FAIM2: variants seen among roughly 807,000 people sequenced by gnomAD.
FAIM2 encodes the protein protein lifeguard 2.
In FAIM2, 27 loss-of-function variants were observed where a neutral mutation model predicts 47.4. The ratio of observed to expected loss-of-function variants is 0.57; its 90% CI spans 0.42 to 0.78. The LOEUF (loss-of-function observed/expected upper bound fraction) is 0.78. FAIM2 is among the 30% of genes least tolerant of loss of function. FAIM2 has a pLI of 0.00. For missense variants in FAIM2, 311 were observed against 389.4 expected, an observed-to-expected ratio of 0.80 and a Z score of 1.69; for synonymous variants, 156 against 159.3, an observed-to-expected ratio of 0.98 and a Z score of 0.16.
At chr12:49,903,051 C>G (rs1946991987) in intron 1 of FAIM2, 1 of 152,142 alleles carries the variant, frequency 6.6e-6, no homozygotes, top group East Asian at 1.9e-4. Context: ...GGCCCGAGTA[C>G]CCTCCCCCTT....
intron 11 of FAIM2, among the ~76,000 whole-genome samples, chr12:49,880,300 ATG>A (rs1479508551): frequency 2.1e-5 from 3 of 140,008 alleles, no homozygotes; most frequent in Admixed American, 2.1e-4. Flanking sequence ...GTATCTGTGT[ATG>A]TGCATGTGTG....
chr12:49,889,363 C>A, intron 9 of FAIM2, 118 bp downstream of exon 9: 1 of 1,058,924 alleles, frequency 9.4e-7, no homozygotes, highest in East Asian at 2.5e-5. Context: ...CCAAACCCAA[C>A]TCACCCCCTT....
In FAIM2 at chr12:49,867,922, T is replaced by G. The variant is rs1035742406; in HGVS notation, c.*2582A>C. 1.3e-5 allele frequency: 2 copies of G among 152,590 alleles called. No individual in the cohort carries two copies. The highest frequency in any genetic ancestry group is 4.8e-5 in the African/African-American group (2 of 41,406). The allele number at this position is 152,590 out of a possible 1,614,324, so 9.5% of individuals were successfully genotyped here. A position where few individuals can be genotyped will look rare whatever the true frequency, so the allele number is the denominator to read the frequency against. ...CCCCTCAGGACCCAGAGTAGGAGGC[T>G]GCGGCATCTTCTGCCCGGCTTCCCC... On this transcript the variant is annotated 3_prime_UTR_variant, in exon 12 of 12. Transcript: ENST00000320634.
rs753892415 is a variant in FAIM2, at chr12:49,890,072, A to G, written c.563+45T>C. The G allele has an allele frequency of 8.8e-5, 141 of 1,595,024 alleles. 3 individuals carry two copies. The Admixed American group carries it at 2.2e-3, about 25-fold the overall frequency. On this transcript the variant is annotated intron_variant, in intron 8 of 11. Transcript: ENST00000320634. ...TCGGGTGTGGCTGGTGCCTGGCTCC[A>G]AGCCTGGCCTATGGTCCTTCTCTCC...
At chr12:49,902,884 T>G (rs1220086928) in intron 1 of FAIM2, 1 of 152,016 alleles carries the variant, frequency 6.6e-6, no homozygotes, top group African/African-American at 2.4e-5. Context: ...GTGACATCAT[T>G]TGAGGCCCAA....
At chr12:49,880,143 TGA>T (rs1454613716) in intron 11 of FAIM2, among the ~76,000 whole-genome samples, 1,639 of 151,086 alleles carry the variant, frequency 0.011, 3 homozygotes, top group Non-Finnish European at 0.017. Context: ...TGTGTATATG[TGA>T]GTGTATGTGT....
At chr12:49,893,102 C>G (rs1364174778) in intron 5 of FAIM2, among the ~76,000 whole-genome samples, 2 of 152,218 alleles carry the variant, frequency 1.3e-5, no homozygotes, top group Non-Finnish European at 2.9e-5. Flanking sequence ...TGGACTGTTG[C>G]AGGAGCCCAC....
intron 10 of FAIM2, among the ~76,000 whole-genome samples, chr12:49,888,145 C>A (rs536830084): frequency 6.6e-6 from 1 of 152,308 alleles, no homozygotes; most frequent in East Asian, 1.9e-4. Context: ...ATAAAGGGTT[C>A]TTTGAAGTTC....
chr12:49,876,939 G>A (rs1361384921), intron 11 of FAIM2, among the ~76,000 whole-genome samples: 1 of 152,150 alleles, frequency 6.6e-6, no homozygotes, highest in Non-Finnish European at 1.5e-5. Context: ...GAGCAGTCAG[G>A]TCATTTTGCA....
At chr12:49,891,189 A>T in intron 5 of FAIM2, 75 bp from the exon 6 acceptor site, 1 of 1,361,258 alleles carries the variant, frequency 7.3e-7, no homozygotes, top group Non-Finnish European at 1.0e-6. Flanking sequence ...TGCTTATGCC[A>T]CTCTCTGCCA....
intron 11 of FAIM2, among the ~76,000 whole-genome samples, chr12:49,882,160 G>C (rs1017020103): frequency 4.6e-5 from 7 of 152,336 alleles, no homozygotes; most frequent in Non-Finnish European, 4.4e-5. Flanking sequence ...GCTGTGTCCA[G>C]CTCTGCTCAG....
chr12:49,903,532 T>A (rs538823067), intron 1 of FAIM2, among the ~76,000 whole-genome samples: 1 of 152,178 alleles, frequency 6.6e-6, no homozygotes, highest in Non-Finnish European at 1.5e-5. Context: ...AGCCTTGTAA[T>A]GCTGTAATGC....
chr12:49,898,130 C>T (rs1255686428), intron 2 of FAIM2, 40 bp from the exon 3 acceptor site: 3 of 1,488,778 alleles, frequency 2.0e-6, no homozygotes, highest in Non-Finnish European at 2.8e-6. Flanking sequence ...AGGGTTCCCC[C>T]TACATAGAAT....
intron 2 of FAIM2, among the ~76,000 whole-genome samples, chr12:49,900,756 G>C (rs936979582): frequency 2.0e-5 from 3 of 152,156 alleles, no homozygotes; most frequent in Non-Finnish European, 4.4e-5. Flanking sequence ...CCCAGTGAAG[G>C]CTGTGGCCAG....
chr12:49,899,448 CCG>C (rs1247073916), intron 2 of FAIM2, among the ~76,000 whole-genome samples: 1 of 152,216 alleles, frequency 6.6e-6, no homozygotes, highest in Non-Finnish European at 1.5e-5. Context: ...AAGAAAGCCT[CCG>C]CGGCCTCCCT....
At chr12:49,871,124 G>A (rs569961176) in intron 11 of FAIM2, among the ~76,000 whole-genome samples, 87 of 152,326 alleles carry the variant, frequency 5.7e-4, no homozygotes, top group African/African-American at 2.1e-3. Flanking sequence ...TACAAGCAGG[G>A]CCCGGGCACT....
chr12:49,893,771 CT>C (rs928145547), intron 5 of FAIM2, among the ~76,000 whole-genome samples: 61 of 152,312 alleles, frequency 4.0e-4, no homozygotes, highest in African/African-American at 1.4e-3. Flanking sequence ...GAACATCCTG[CT>C]CCGTGAGGGA....
intron 11 of FAIM2, among the ~76,000 whole-genome samples, chr12:49,876,889 C>G (rs1191808128): frequency 6.6e-6 from 1 of 152,186 alleles, no homozygotes; most frequent in Non-Finnish European, 1.5e-5. Context: ...GTGAGACAGG[C>G]AGGTTAGCCC....
At position 49,871,656 on chromosome 12, in the gene FAIM2, T is replaced by C. The variant is rs1055625149; in HGVS notation, c.802-1003A>G. Among the ~76,000 whole-genome samples the C allele has an allele frequency of 4.2e-5, 6 of 144,484 alleles. No homozygotes were observed. In the Admixed American group the frequency reaches 4.4e-4, roughly 11 times the overall value. 94.8% of individuals were successfully genotyped at this position (144,484 alleles called of 152,430 possible). On this transcript the variant is annotated intron_variant, in intron 11 of 11. Transcript: ENST00000320634. ...CACGTGGGATTGGAATTTTTTTTCTTTTCTTTTCTTTTCTTTTTTTTTTTT... is the reference window on the plus strand; with the variant it reads ...CACGTGGGATTGGAATTTTTTTTCTCTTCTTTTCTTTTCTTTTTTTTTTTT...
Sources: gnomAD v4.1 joint callset for allele counts (sites outside exome capture counted in the v4.1 genomes callset) on GRCh38, gnomAD v4.1.1 for gene constraint, MANE v1.5 for transcripts, NCBI Gene and HGNC (gene_info 2026-07-23, HGNC 2026-07-21) for gene names.